The following DAB1 variants were observed in gnomAD, a reference collection of about 807,000 sequenced individuals.
DAB1 encodes DAB adaptor protein 1.
Under a neutral mutation model 64.6 loss-of-function variants are expected in DAB1, and 15 were observed. That is an observed-to-expected ratio of 0.23 (90% CI 0.16 to 0.36). DAB1 has a LOEUF of 0.36. Among genes scored for constraint, DAB1 ranks in the 10% least tolerant of loss-of-function variants. The pLI is 1.00. For synonymous variants in DAB1, 235 were observed against 251.9 expected, an observed-to-expected ratio of 0.93 and a Z score of 0.64; for missense variants, 596 against 706.7, an observed-to-expected ratio of 0.84 and a Z score of 1.78.
At chr1:57,424,207 G>A (rs1685164252), upstream of DAB1, 2 of 147,910 alleles carry the variant, frequency 1.4e-5, no homozygotes, top group East Asian at 2.1e-4. Context: ...CTAGCTCCCC[G>A]GCCGCCGCCG....
At chr1:57,457,023 G>T (rs933392268) in intron 7 of DAB1, among the ~76,000 whole-genome samples, 2 of 152,086 alleles carry the variant, frequency 1.3e-5, no homozygotes, top group Non-Finnish European at 2.9e-5. Context: ...AATATTAATG[G>T]CAATGTGATG....
chr1:58,197,693 G>A (rs1032173635), intron 4 of DAB1, among the ~76,000 whole-genome samples: 2 of 134,414 alleles, frequency 1.5e-5, no homozygotes, highest in African/African-American at 2.7e-5. Flanking sequence ...CATGCCCAGC[G>A]AGAGTTACAC....
chr1:57,265,538 CTCT>C (rs1182539014), intron 2 of DAB1, among the ~76,000 whole-genome samples: 1 of 152,168 alleles, frequency 6.6e-6, no homozygotes, highest in Non-Finnish European at 1.5e-5. Flanking sequence ...CTCAATCTGG[CTCT>C]TCTTAAAGGA....
intron 5 of DAB1, among the ~76,000 whole-genome samples, chr1:58,078,844 A>C (rs887319630): frequency 2.6e-5 from 4 of 152,130 alleles, no homozygotes; most frequent in Non-Finnish European, 5.9e-5. Flanking sequence ...TCCTTTCATC[A>C]TATCTGTTGT....
chr1:57,088,597 A>G (rs1557698158), intron 4 of DAB1, among the ~76,000 whole-genome samples: 1 of 152,130 alleles, frequency 6.6e-6, no homozygotes, highest in Admixed American at 6.5e-5. Flanking sequence ...ACCTGCTACC[A>G]CTTCCCCTTC....
chr1:57,978,953 A>G (rs1645992887), intron 5 of DAB1, among the ~76,000 whole-genome samples: 1 of 152,332 alleles, frequency 6.6e-6, no homozygotes, highest in East Asian at 1.9e-4. Flanking sequence ...GGATGCTTGT[A>G]CATTGCTGGT....
intron 3 of DAB1, among the ~76,000 whole-genome samples, chr1:58,384,091 G>A (rs750777193): frequency 5.9e-5 from 9 of 151,292 alleles, no homozygotes; most frequent in Non-Finnish European, 8.8e-5. Context: ...TGAAACTGAT[G>A]TGGAATAATA....
chr1:57,572,929 A>G (rs1236410251), intron 7 of DAB1, among the ~76,000 whole-genome samples: 2 of 152,180 alleles, frequency 1.3e-5, no homozygotes, highest in Non-Finnish European at 2.9e-5. Context: ...AGGACTCACT[A>G]TCTTGAAGAC....
intron 1 of DAB1, among the ~76,000 whole-genome samples, chr1:57,360,600 A>G (rs1679472037): frequency 6.6e-6 from 1 of 152,178 alleles, no homozygotes; most frequent in African/African-American, 2.4e-5. Flanking sequence ...TGTAAGTTAG[A>G]AACAATTAAT....
In DAB1 at chr1:58,300,647, AGG is replaced by A. The variant is rs58688432; in HGVS notation, n.309+42703_309+42704del. On this transcript the variant is annotated intron_variant and non_coding_transcript_variant, in intron 4 of 20. Transcript: ENST00000485760. ...GAGAGAGAGAGAGAGAGAGAGAGAG[AGG>A]AAGGAAGGAAGGAAGGAAGGAAGGA... Among the ~76,000 whole-genome samples the A allele has an allele frequency of 6.7e-3, 277 of 41,624 alleles. 12 individuals carry two copies. Among genetic ancestry groups the A allele is most frequent in the East Asian group, 0.013 (13 of 1,024 alleles). The allele number at this position is 41,624 out of a possible 152,430, so 27.3% of individuals were successfully genotyped here. A position where few individuals can be genotyped will look rare whatever the true frequency, so the allele number is the denominator to read the frequency against.
chr1:58,084,722 T>C (rs944157904), intron 5 of DAB1, among the ~76,000 whole-genome samples: 1 of 151,836 alleles, frequency 6.6e-6, no homozygotes, highest in African/African-American at 2.4e-5. Context: ...AGTTCCTCCC[T>C]GTGTAAGATG....
intron 4 of DAB1, among the ~76,000 whole-genome samples, chr1:57,095,951 GACA>G (rs1489969608): frequency 1.3e-5 from 2 of 152,188 alleles, no homozygotes; most frequent in African/African-American, 4.8e-5. Flanking sequence ...TGGCAATGGT[GACA>G]ACAATAAGGA....
Position 57,019,589 on chromosome 1 carries a change from C to T in DAB1, c.895+3942G>A, listed in dbSNP as rs536031350. ...TCCTCGGCCTGTGAGTTAAGGCTGTCTGGCCACATGGTCTTGTGCATGAGC... is the reference window on the plus strand; with the variant it reads ...TCCTCGGCCTGTGAGTTAAGGCTGTTTGGCCACATGGTCTTGTGCATGAGC... On this transcript the variant is annotated intron_variant, in intron 11 of 14. Coordinates refer to ENST00000371236, the MANE Select transcript of DAB1 (RefSeq NM_001365792.1). Among the ~76,000 whole-genome samples, 31 of 152,334 alleles carry T rather than the reference C, an allele frequency of 2.0e-4. 1 individual carries two copies. Among genetic ancestry groups the T allele is most frequent in the African/African-American group, 7.5e-4 (31 of 41,566 alleles).
At chr1:57,115,491 A>T (rs530489021) in intron 4 of DAB1, among the ~76,000 whole-genome samples, 1 of 152,324 alleles carries the variant, frequency 6.6e-6, no homozygotes, top group Non-Finnish European at 1.5e-5. Flanking sequence ...CTGTCCAATA[A>T]AGGAGTCACT....
intron 6 of DAB1, among the ~76,000 whole-genome samples, chr1:57,668,119 A>G (rs899475949): frequency 2.0e-5 from 3 of 152,188 alleles, no homozygotes; most frequent in African/African-American, 7.2e-5. Context: ...TTAAAATTTG[A>G]AAGTGGAATT....
chr1:58,174,619 TG>T (rs1444113793), intron 4 of DAB1, among the ~76,000 whole-genome samples: 2 of 152,208 alleles, frequency 1.3e-5, no homozygotes. Flanking sequence ...TGAAGCCAGC[TG>T]GGCTTCTGGG....
downstream of DAB1, among the ~76,000 whole-genome samples, chr1:57,823,519 A>G (rs1167528903): frequency 6.6e-6 from 1 of 152,034 alleles, no homozygotes; most frequent in Non-Finnish European, 1.5e-5. Flanking sequence ...TACAGGAGAA[A>G]AAATTCTGCA....
intron 2 of DAB1, among the ~76,000 whole-genome samples, chr1:57,245,720 C>T (rs1037340926): frequency 2.6e-5 from 4 of 152,066 alleles, no homozygotes; most frequent in Admixed American, 6.6e-5. Context: ...TTTACTATTG[C>T]GAATAGTGCC....
intron 1 of DAB1, among the ~76,000 whole-genome samples, chr1:57,331,507 G>A (rs1341903057): frequency 6.6e-6 from 1 of 152,140 alleles, no homozygotes; most frequent in African/African-American, 2.4e-5. Context: ...TTTACAAGTT[G>A]TGTGAGTGGA....
Sources: gnomAD v4.1 joint callset for allele counts (sites outside exome capture counted in the v4.1 genomes callset) on GRCh38, gnomAD v4.1.1 for gene constraint, MANE v1.5 for transcripts, NCBI Gene and HGNC (gene_info 2026-07-23, HGNC 2026-07-21) for gene names.